Variants in NRG4 observed in about 807,000 individuals in gnomAD.
NRG4 encodes pro-neuregulin-4, membrane-bound isoform.
Under a neutral mutation model 15.0 loss-of-function variants are expected in NRG4, and 10 were observed. The ratio of observed to expected loss-of-function variants is 0.67; its 90% CI spans 0.41 to 1.13. The LOEUF (loss-of-function observed/expected upper bound fraction) is 1.13. Ranked by LOEUF, NRG4 falls within the 50% of genes most tolerant of loss-of-function variation. NRG4 has a pLI of 0.00. For synonymous variants in NRG4, 41 were observed against 50.1 expected, an observed-to-expected ratio of 0.82 and a Z score of 0.77; for missense variants, 139 against 140.2, an observed-to-expected ratio of 0.99 and a Z score of 0.04.
At chr15:75,958,593 C>T (rs1157637341) in intron 4 of NRG4, among the ~76,000 whole-genome samples, 1 of 152,128 alleles carries the variant, frequency 6.6e-6, no homozygotes. Context: ...ATATTCTTAG[C>T]TTTTTACCCC....
chr15:75,992,013 C>A (rs1414852105), intron 3 of NRG4, among the ~76,000 whole-genome samples: 2 of 152,076 alleles, frequency 1.3e-5, no homozygotes, highest in Non-Finnish European at 2.9e-5. Context: ...TTTTAGCCAA[C>A]TCTGCATTAC....
chr15:76,024,660 CTG>C (rs2035253943), intron 5 of NRG4, among the ~76,000 whole-genome samples: 1 of 152,240 alleles, frequency 6.6e-6, no homozygotes, highest in Non-Finnish European at 1.5e-5. Flanking sequence ...GGCTGACTCA[CTG>C]TGCATACTCG....
At position 76,030,004 on chromosome 15, in the gene NRG4, A is replaced by G. The variant is rs551255264; in HGVS notation, c.-57+5940T>C. On this transcript the variant is annotated intron_variant, in intron 5 of 8. Transcript: ENST00000563910. ...CCAGGCATGGTGGCTCATGTCTGTA[A>G]TCCCAGCACTTTGGGAGGCCAAGGC... 1.4e-4 allele frequency among the ~76,000 whole-genome samples: 22 copies of G among 152,312 alleles called. No individual in the cohort carries two copies. The South Asian group carries it at 4.6e-3, about 32-fold the overall frequency.
At position 75,945,168 on chromosome 15, in the gene NRG4, A is replaced by G. The variant is rs1288560749; in HGVS notation, c.332-1514T>C. ...CAGGATTCTATTCCCAAACTTGTTTATATCAGATTTGGCCCCTAGCATTAA... is the reference window on the plus strand; with the variant it reads ...CAGGATTCTATTCCCAAACTTGTTTGTATCAGATTTGGCCCCTAGCATTAA... On this transcript the variant is annotated intron_variant, in intron 5 of 5. Transcript: ENST00000394907. Among the ~76,000 whole-genome samples the G allele has an allele frequency of 2.0e-5, 3 of 152,172 alleles. No homozygotes were observed. The East Asian group carries it at 5.8e-4, about 29-fold the overall frequency.
intron 3 of NRG4, among the ~76,000 whole-genome samples, chr15:75,991,717 C>T (rs4886754): frequency 0.8 from 121,487 of 151,606 alleles, 49,049 homozygotes; most frequent in South Asian, 0.9. Context: ...GTTTCTCCCT[C>T]TACCAAATGT....
intron 5 of NRG4, among the ~76,000 whole-genome samples, chr15:75,955,135 T>G (rs1317215629): frequency 6.6e-6 from 1 of 152,190 alleles, no homozygotes; most frequent in Non-Finnish European, 1.5e-5. Flanking sequence ...CATGCCCTGA[T>G]TAGTACTCAG....
chr15:75,994,851 A>G (rs2034151289), intron 3 of NRG4, among the ~76,000 whole-genome samples: 1 of 152,156 alleles, frequency 6.6e-6, no homozygotes, highest in Non-Finnish European at 1.5e-5. Context: ...GCATTGCTGT[A>G]AAGGAATATC....
intron 5 of NRG4, among the ~76,000 whole-genome samples, chr15:76,024,100 T>G (rs1016720341): frequency 2.0e-5 from 3 of 152,206 alleles, no homozygotes; most frequent in Non-Finnish European, 4.4e-5. Flanking sequence ...AACAGATTCA[T>G]GGGCTACTCC....
At position 76,047,533 on chromosome 15, in the gene NRG4, A is replaced by G. The variant is rs1224007855; in HGVS notation, c.-105+4534T>C. 2.0e-5 allele frequency among the ~76,000 whole-genome samples: 3 copies of G among 150,826 alleles called. 1 individual carries two copies. The highest frequency in any genetic ancestry group is 7.4e-5 in the African/African-American group (3 of 40,364). On this transcript the variant is annotated intron_variant, in intron 4 of 8. Transcript: ENST00000563910. ...AAATAATCTAAGCACAGAAAGACAA[A>G]TATGTTCTCACTCATATATAGAAGC...
intron 3 of NRG4, among the ~76,000 whole-genome samples, chr15:75,975,387 C>T (rs2033318681): frequency 6.6e-6 from 1 of 152,114 alleles, no homozygotes; most frequent in African/African-American, 2.4e-5. Context: ...TTGATCCTGT[C>T]ATTATGATGT....
At chr15:76,043,065 C>T (rs1045758839) in intron 4 of NRG4, among the ~76,000 whole-genome samples, 3 of 152,100 alleles carry the variant, frequency 2.0e-5, no homozygotes, top group Non-Finnish European at 2.9e-5. Flanking sequence ...ATGATTATTT[C>T]AATTGATGCT....
intron 3 of NRG4, among the ~76,000 whole-genome samples, chr15:76,005,010 T>C (rs2034546793): frequency 6.6e-6 from 1 of 152,150 alleles, no homozygotes; most frequent in Non-Finnish European, 1.5e-5. Flanking sequence ...TTAACACATA[T>C]TTTATATGTT....
chr15:76,007,630 C>T (rs186904705), intron 3 of NRG4, among the ~76,000 whole-genome samples: 3 of 152,018 alleles, frequency 2.0e-5, no homozygotes, highest in Non-Finnish European at 2.9e-5. Flanking sequence ...GGGGTTTCAC[C>T]GTGTTAGCCA....
At chr15:76,050,981 ATTTATTTAT>A (rs1202587645) in intron 4 of NRG4, among the ~76,000 whole-genome samples, 1 of 143,238 alleles carries the variant, frequency 7.0e-6, no homozygotes. Flanking sequence ...ATTTTTATTT[ATTTATTTAT>A]TTATTTATTT....
downstream of NRG4, chr15:75,939,739 A>G (rs1222313062): frequency 6.6e-6 from 1 of 152,204 alleles, no homozygotes; most frequent in East Asian, 1.9e-4. Context: ...ACATACAAAA[A>G]TCAATATAAT....
intron 5 of NRG4, among the ~76,000 whole-genome samples, chr15:76,035,584 T>G (rs2035580394): frequency 6.6e-6 from 1 of 151,968 alleles, no homozygotes; most frequent in East Asian, 1.9e-4. Context: ...AAAAAAAAAG[T>G]CCCTCAGGCA....
chr15:76,041,150 A>G (rs2035726769), intron 4 of NRG4, among the ~76,000 whole-genome samples: 1 of 152,172 alleles, frequency 6.6e-6, no homozygotes, highest in African/African-American at 2.4e-5. Flanking sequence ...CTCAAATCAA[A>G]AAACATACAA....
chr15:75,976,531 C>G (rs1353273555), intron 3 of NRG4, among the ~76,000 whole-genome samples: 1 of 152,056 alleles, frequency 6.6e-6, no homozygotes, highest in East Asian at 1.9e-4. Context: ...TTTGTGGACA[C>G]CCTTTTTGTT....
At chr15:76,037,178 C>T (rs904590709) in intron 4 of NRG4, among the ~76,000 whole-genome samples, 1 of 152,022 alleles carries the variant, frequency 6.6e-6, no homozygotes, top group Admixed American at 6.6e-5. Context: ...AATCATCCCC[C>T]CTGCAGGAAC....
Sources: gnomAD v4.1 joint callset for allele counts (sites outside exome capture counted in the v4.1 genomes callset) on GRCh38, gnomAD v4.1.1 for gene constraint, MANE v1.5 for transcripts, NCBI Gene and HGNC (gene_info 2026-07-23, HGNC 2026-07-21) for gene names.